The following OTC variants were observed in gnomAD, a reference collection of about 807,000 sequenced individuals.
The protein encoded by OTC is ornithine transcarbamylase.
In OTC, 3 loss-of-function variants were observed where a neutral mutation model predicts 30.3. The observed-to-expected ratio is 0.10, with a 90% CI of 0.05 to 0.26. The LOEUF (loss-of-function observed/expected upper bound fraction) is 0.26, where lower values mean the gene tolerates loss of function less well. OTC is among the 10% of genes least tolerant of loss of function. The pLI is 1.00. For missense variants in OTC, 194 were observed against 260.3 expected (o/e 0.75, Z 1.75); for synonymous variants, 111 against 99.7 (o/e 1.11, Z -0.67).
At chrX:38,393,960 T>A (rs1043082734) in intron 4 of OTC, among the ~76,000 whole-genome samples, 1 of 111,443 alleles carries the variant, frequency 9.0e-6, no homozygotes, top group Admixed American at 9.6e-5. Flanking sequence ...TCATAGCTTC[T>A]CCTCTCATTT....
chrX:38,334,909 C>T, the OTC span, among the ~76,000 whole-genome samples: 3 of 111,434 alleles, frequency 2.7e-5, no homozygotes, highest in Non-Finnish European at 5.7e-5. Context: ...AGGCATTAGA[C>T]TCTCATAGGA....
intron 1 of OTC, among the ~76,000 whole-genome samples, chrX:38,359,835 G>C (rs2068261640): frequency 9.0e-6 from 1 of 110,782 alleles, no homozygotes; most frequent in South Asian, 3.8e-4. Context: ...ATCAGAACTT[G>C]GTCAGGATGT....
downstream of OTC, among the ~76,000 whole-genome samples, chrX:38,422,590 G>T (rs1205045442): frequency 8.9e-6 from 1 of 111,942 alleles, no homozygotes; most frequent in Non-Finnish European, 1.9e-5. Context: ...CACTTGGAAA[G>T]AACTTGTAAT....
At chrX:38,401,117 A>C (rs1423520902) in intron 4 of OTC, among the ~76,000 whole-genome samples, 158 bp from the exon 5 acceptor site, 3 of 112,501 alleles carry the variant, frequency 2.7e-5, no homozygotes, top group Non-Finnish European at 1.9e-5. Context: ...TAATGAATAC[A>C]TGTTTAATAT....
At chrX:38,400,764 G>A (rs753658900) in intron 4 of OTC, among the ~76,000 whole-genome samples, 20 of 112,720 alleles carry the variant, frequency 1.8e-4, no homozygotes, top group East Asian at 2.8e-4. Flanking sequence ...CAGGGCATCC[G>A]AAGGTGTAGC....
Position 38,369,802 on chromosome X carries a change from C to A in OTC, c.223C>A (p.Pro75Thr). Residue 75 changes from proline (P) to threonine (T), a missense_variant, in exon 3 of 10, where the codon CCT becomes ACT. Coordinates refer to ENST00000039007, the MANE Select transcript of OTC (RefSeq NM_000531.6). ...FRIKQKGEYL[P>T]LLQGKSLGMI... ...TCTTGTCCTTGATTTATAGTATTTG[C>A]CTTTATTGCAAGGGAAGTCCTTAGG... The A allele has an allele frequency of 8.7e-7, 1 of 1,155,303 alleles. No homozygotes were observed.
At chrX:38,410,026 AT>A (rs760139242) in intron 8 of OTC, among the ~76,000 whole-genome samples, 21 of 111,405 alleles carry the variant, frequency 1.9e-4, no homozygotes, top group African/African-American at 6.5e-4. Flanking sequence ...TGTAAATGAT[AT>A]TTTAGACATT....
At chrX:38,346,768 G>C in the OTC span, among the ~76,000 whole-genome samples, 1 of 112,124 alleles carries the variant, frequency 8.9e-6, no homozygotes, top group Non-Finnish European at 1.9e-5. Context: ...GAGAGGAGAA[G>C]ATCAATATAC....
chrX:38,375,260 T>A (rs2068340924), intron 3 of OTC, among the ~76,000 whole-genome samples: 1 of 112,021 alleles, frequency 8.9e-6, no homozygotes. Context: ...AGGAGAAGAA[T>A]GTGTCTGGAA....
chrX:38,390,205 A>T (rs1470226328), intron 4 of OTC, among the ~76,000 whole-genome samples: 1 of 112,225 alleles, frequency 8.9e-6, no homozygotes, highest in Non-Finnish European at 1.9e-5. Flanking sequence ...TTCCAACACC[A>T]GCCCATTTGA....
chrX:38,352,056 C>T (rs1436674345), upstream of OTC, among the ~76,000 whole-genome samples: 5 of 112,554 alleles, frequency 4.4e-5, no homozygotes, highest in African/African-American at 1.6e-4. Flanking sequence ...CCACCGTGCC[C>T]GGCCAGCAAT....
At chrX:38,396,119 AT>A (rs200519696) in intron 4 of OTC, among the ~76,000 whole-genome samples, 1,197 of 97,479 alleles carry the variant, frequency 0.012, 16 homozygotes, top group African/African-American at 0.035. Context: ...CGCCCGGCTA[AT>A]TTTTTTTTTT....
the OTC span, among the ~76,000 whole-genome samples, chrX:38,339,849 A>G: frequency 1.3e-4 from 15 of 111,658 alleles, no homozygotes; most frequent in African/African-American, 3.6e-4. Context: ...GGGTCTTATC[A>G]AGGTTGATGC....
upstream of OTC, among the ~76,000 whole-genome samples, chrX:38,352,020 C>T (rs755399583): frequency 5.3e-5 from 6 of 112,342 alleles, no homozygotes; most frequent in South Asian, 2.2e-3. Context: ...CTCAGCCTCC[C>T]AAAGTGCTGG....
the OTC span, among the ~76,000 whole-genome samples, chrX:38,339,030 C>A: frequency 8.9e-6 from 1 of 112,147 alleles, no homozygotes; most frequent in Non-Finnish European, 1.9e-5. Context: ...CACTAAGACT[C>A]ACACAAGGGG....
the OTC span, among the ~76,000 whole-genome samples, chrX:38,333,215 CAAAA>C: frequency 2.1e-5 from 1 of 47,172 alleles, no homozygotes; most frequent in Admixed American, 2.8e-4. Context: ...AACTCTGTCT[CAAAA>C]AAAAAAAAAA....
chrX:38,371,103 GT>G, intron 3 of OTC, among the ~76,000 whole-genome samples: 1 of 111,663 alleles, frequency 9.0e-6, no homozygotes, highest in African/African-American at 3.3e-5. Flanking sequence ...ACATAGCAGA[GT>G]ACAGTATCAA....
intron 1 of OTC, among the ~76,000 whole-genome samples, chrX:38,359,704 A>G (rs1334114740): frequency 9.0e-6 from 1 of 111,162 alleles, no homozygotes; most frequent in Non-Finnish European, 1.9e-5. Context: ...TACAGGCATG[A>G]GCCACCGCAC....
In OTC at chrX:38,419,118, G is replaced by A. The variant is rs774654459; in HGVS notation, c.1006-1905G>A. Among the ~76,000 whole-genome samples the A allele has an allele frequency of 3.6e-5, 4 of 110,779 alleles. No homozygotes were observed. The South Asian group carries it at 1.5e-3, about 43-fold the overall frequency. On this transcript the variant is annotated intron_variant, in intron 9 of 9. Transcript: ENST00000039007. The stretch of plus-strand genomic sequence containing the variant: ...GTCCTTTCCCCATTATGTGTTCTTG[G>A]CACCTCTGTCAAAAAGCAATTGACC...
Sources: gnomAD v4.1 joint callset for allele counts (sites outside exome capture counted in the v4.1 genomes callset) on GRCh38, gnomAD v4.1.1 for gene constraint, MANE v1.5 for transcripts, NCBI Gene and HGNC (gene_info 2026-07-23, HGNC 2026-07-21) for gene names.